The following SEPTIN9 variants were observed in gnomAD, a reference collection of about 807,000 sequenced individuals.
SEPTIN9 encodes the protein septin 9.
A neutral mutation model predicts 56.6 loss-of-function variants in SEPTIN9; 13 were observed. The observed-to-expected ratio is 0.23, with a 90% CI of 0.15 to 0.37. The LOEUF (loss-of-function observed/expected upper bound fraction) is 0.37. Ranked by LOEUF, SEPTIN9 falls within the 10% of genes least tolerant of loss-of-function variation. SEPTIN9 has a pLI of 1.00. For synonymous variants in SEPTIN9, 332 were observed against 334.1 expected (o/e 0.99, Z 0.07); for missense variants, 650 against 823.1 (o/e 0.79, Z 2.57).
rs972103983 is a variant in SEPTIN9 at position 77,389,764 on chromosome 17, T to C, written c.77-12295T>C. Among the ~76,000 whole-genome samples, 1 of 150,528 alleles carries C rather than the reference T, an allele frequency of 6.6e-6. No individual in the cohort carries two copies. The highest frequency in any genetic ancestry group is 1.5e-5 in the Non-Finnish European group (1 of 67,642). On this transcript the variant is annotated intron_variant, in intron 2 of 11. Coordinates refer to ENST00000427177, the MANE Select transcript of SEPTIN9 (RefSeq NM_001113491.2). The surrounding 1 kb of genome is among the most constrained non-coding windows in gnomAD (Gnocchi z 4.3). ...AGCCAGGAAATTCTTCCTCTTTATC[T>C]GCCTCACATCTCTTCCCCTGCGGCT... is the stretch of plus-strand genomic sequence containing the variant.
At position 77,405,985 on chromosome 17, in the gene SEPTIN9, C is replaced by T. The variant is rs906829861; in HGVS notation, c.721+3282C>T. 1.3e-5 allele frequency among the ~76,000 whole-genome samples: 2 copies of T among 152,236 alleles called. No individual in the cohort carries two copies. The highest frequency in any genetic ancestry group is 2.4e-5 in the African/African-American group (1 of 41,470). On this transcript the variant is annotated intron_variant, in intron 3 of 11. Transcript: ENST00000427177. The surrounding 1 kb of genome is among the most constrained non-coding windows in gnomAD (Gnocchi z 5.8). ...GGGAAAGGAATCATGGAGGGAGTTC[C>T]GTGCCCTCTGAGCAGACGCCCAGCC...
At chr17:77,340,386 C>T (rs1300088423) in intron 2 of SEPTIN9, among the ~76,000 whole-genome samples, 1 of 152,170 alleles carries the variant, frequency 6.6e-6, no homozygotes, top group African/African-American at 2.4e-5. Context: ...AGTGATCCCC[C>T]CGCCCCAGCC....
At position 77,313,113 on chromosome 17, in the gene SEPTIN9, G is replaced by A. The variant is rs1391483278; in HGVS notation, c.76+5916G>A. Among the ~76,000 whole-genome samples the A allele has an allele frequency of 1.3e-5, 2 of 152,198 alleles. No individual in the cohort carries two copies. The highest frequency in any genetic ancestry group is 1.5e-5 in the Non-Finnish European group (1 of 68,022). The stretch of plus-strand genomic sequence containing the variant: ...ACACCCGCTCTCGGGGGAGTCTTCC[G>A]TTGGCTGCAGAGAAGCTTAAACTCA... On this transcript the variant is annotated intron_variant, in intron 2 of 11. Transcript: ENST00000427177. The surrounding 1 kb of genome is among the most constrained non-coding windows in gnomAD (Gnocchi z 4.5).
At position 77,318,084 on chromosome 17, in the gene SEPTIN9, A is replaced by G. The variant is rs879656118; in HGVS notation, c.76+10887A>G. On this transcript the variant is annotated intron_variant, in intron 2 of 11. Transcript: ENST00000427177. The surrounding 1 kb of genome is among the most constrained non-coding windows in gnomAD (Gnocchi z 4.9). ...AAAATAAAATAAAATAATAAATATA[A>G]TACACTTGAATCATCTCAAAACCAT... 2.6e-5 allele frequency among the ~76,000 whole-genome samples: 4 copies of G among 152,036 alleles called. No homozygotes were observed. Among genetic ancestry groups the G allele is most frequent in the Non-Finnish European group, 4.4e-5 (3 of 68,000 alleles).
At chr17:77,384,551 C>T (rs1290335434) in intron 2 of SEPTIN9, among the ~76,000 whole-genome samples, 1 of 151,964 alleles carries the variant, frequency 6.6e-6, no homozygotes, top group Non-Finnish European at 1.5e-5. Flanking sequence ...TGTGAGTCTT[C>T]AGGAGGGCAG....
chr17:77,470,617 C>A (rs771122906), intron 3 of SEPTIN9: 1 of 152,204 alleles, frequency 6.6e-6, no homozygotes, highest in African/African-American at 2.4e-5. Context: ...CATCCGCCAA[C>A]CCATCCATTC....
rs1020260501 is a variant in SEPTIN9 at position 77,330,092 on chromosome 17, C to G, written c.76+22895C>G. On this transcript the variant is annotated intron_variant, in intron 2 of 11. Coordinates refer to ENST00000427177, the MANE Select transcript of SEPTIN9 (RefSeq NM_001113491.2). This position sits in a 1 kb window ranked among gnomAD's most constrained non-coding sequence, Gnocchi z 4.4. ...TGGGGGGTGGACACTCCAAGACTAG[C>G]CTCCCAGCCACTCTCCCTGCCTCCT... is the stretch of plus-strand genomic sequence containing the variant. Among the ~76,000 whole-genome samples the G allele has an allele frequency of 2.6e-5, 4 of 152,258 alleles. No individual in the cohort carries two copies. The highest frequency in any genetic ancestry group is 9.6e-5 in the African/African-American group (4 of 41,474).
At chr17:77,406,038 C>T (rs1252188613) in intron 3 of SEPTIN9, among the ~76,000 whole-genome samples, 2 of 152,252 alleles carry the variant, frequency 1.3e-5, no homozygotes, top group African/African-American at 4.8e-5. Flanking sequence ...GGGAGGGCAT[C>T]TGTGCTGTGG....
rs1042089763 is a variant in SEPTIN9, at chr17:77,421,888, G to A, written c.721+19185G>A. On this transcript the variant is annotated intron_variant, in intron 3 of 11. Transcript: ENST00000427177. The surrounding 1 kb of genome is among the most constrained non-coding windows in gnomAD (Gnocchi z 4.6). ...TTTTTTGAGACGGTCTCTCTCTGTC[G>A]CCCAGGCTGGAGTTCAATGGCCCAA... Among the ~76,000 whole-genome samples the A allele has an allele frequency of 1.3e-5, 2 of 152,020 alleles. No individual in the cohort carries two copies. Among genetic ancestry groups the A allele is most frequent in the Admixed American group, 6.5e-5 (1 of 15,274 alleles).
In SEPTIN9 at chr17:77,317,369, G is replaced by A. The variant is rs372747265; in HGVS notation, c.76+10172G>A. ...GGAGGTGAGTGACTGGCAAGCGAGCGAAGCTTCATCTGTATTTACAGTCAC... is the reference window on the plus strand; with the variant it reads ...GGAGGTGAGTGACTGGCAAGCGAGCAAAGCTTCATCTGTATTTACAGTCAC... On this transcript the variant is annotated intron_variant, in intron 2 of 11. Transcript: ENST00000427177. The surrounding 1 kb of genome is among the most constrained non-coding windows in gnomAD (Gnocchi z 4.2). Among the ~76,000 whole-genome samples, 19 of 152,340 alleles carry A rather than the reference G, an allele frequency of 1.2e-4. No homozygotes were observed. The highest frequency in any genetic ancestry group is 3.9e-4 in the East Asian group (2 of 5,186).
rs377206467 is a variant in SEPTIN9, at chr17:77,296,378, C to CAG, written c.20-10749_20-10748dup. On this transcript the variant is annotated intron_variant, in intron 1 of 11. Coordinates refer to ENST00000427177, the MANE Select transcript of SEPTIN9 (RefSeq NM_001113491.2). ...ATGGCTAGATAGACAGACAAGCGGA[C>CAG]AGAGAGAGAGAGAGACAGGCAGACA... 1.2e-4 allele frequency among the ~76,000 whole-genome samples: 18 copies of CAG among 151,074 alleles called. No individual in the cohort carries two copies. In the South Asian group the frequency reaches 1.3e-3, roughly 10 times the overall value.
intron 8 of SEPTIN9, among the ~76,000 whole-genome samples, chr17:77,491,268 A>G (rs1006662011): frequency 2.6e-5 from 4 of 151,830 alleles, no homozygotes; most frequent in Non-Finnish European, 4.4e-5. Flanking sequence ...CAAGGTTGCA[A>G]TGTAGTGGCA....
Position 77,488,618 on chromosome 17 carries a change from A to G in SEPTIN9, c.1125-109A>G, listed in dbSNP as rs378578. On this transcript the variant is annotated intron_variant, in intron 6 of 11. Transcript: ENST00000427177. The stretch of plus-strand genomic sequence containing the variant: ...CTCAGCAAGCCAGACCTCCCAGGGC[A>G]TGCATTTCATTGGAAGGTGGGGTGT... The G allele has an allele frequency of 0.49, 715,386 of 1,453,462 alleles. 182,581 individuals are homozygous for G. The highest frequency in any genetic ancestry group is 0.82 in the African/African-American group (58,259 of 71,408). The allele number at this position is 1,453,462 out of a possible 1,614,324, so 90.0% of individuals were successfully genotyped here. A position where few individuals can be genotyped will look rare whatever the true frequency, so the allele number is the denominator to read the frequency against.
In SEPTIN9 at chr17:77,482,263, A is replaced by G. The variant is rs1265485243; in HGVS notation, c.841A>G (p.Ile281Val). The G allele has an allele frequency of 1.2e-6, 2 of 1,613,186 alleles. No individual in the cohort carries two copies. The highest frequency in any genetic ancestry group is 1.7e-6 in the Non-Finnish European group (2 of 1,179,874). The change falls in exon 4 of 12, where the codon ATT becomes GTT. Residue 281 changes from isoleucine (I) to valine (V), a missense_variant. Transcript: ENST00000427177. ...CCCGGTGGACTTCGGCTACGTGGGG[A>G]TTGACTCCATCCTGGAGCAGATGCG... is the stretch of plus-strand genomic sequence containing the variant. ...KAPVDFGYVG[I>V]DSILEQMRRK...
chr17:77,412,592 G>A (rs2036343042), intron 3 of SEPTIN9, among the ~76,000 whole-genome samples: 1 of 152,108 alleles, frequency 6.6e-6, no homozygotes, highest in Non-Finnish European at 1.5e-5. Context: ...GCTGGGTGAG[G>A]TGGTGCGCCT....
intron 1 of SEPTIN9, chr17:77,287,841 C>T (rs1163203326): frequency 3.0e-6 from 3 of 1,005,348 alleles, no homozygotes; most frequent in African/African-American, 1.7e-5. Context: ...ACCTCCAGGA[C>T]AGGAAACAGG....
chr17:77,307,071 G>T, intron 1 of SEPTIN9, 70 bp from the exon 2 acceptor site: 2 of 1,412,122 alleles, frequency 1.4e-6, no homozygotes, highest in Non-Finnish European at 2.0e-6. Flanking sequence ...CATTCCTGGT[G>T]TTAATCATCC....
chr17:77,331,407 C>T (rs1362109777), intron 2 of SEPTIN9, among the ~76,000 whole-genome samples: 2 of 150,038 alleles, frequency 1.3e-5, no homozygotes, highest in African/African-American at 4.9e-5. Flanking sequence ...CGAGCGGGGG[C>T]GGTGTCCACT....
chr17:77,381,066 T>C (rs1288718612), intron 2 of SEPTIN9, among the ~76,000 whole-genome samples: 1 of 152,234 alleles, frequency 6.6e-6, no homozygotes, highest in African/African-American at 2.4e-5. Context: ...CCTGGCTGTC[T>C]CTACCTGTGG....
Sources: gnomAD v4.1 joint callset for allele counts (sites outside exome capture counted in the v4.1 genomes callset) on GRCh38, gnomAD v4.1.1 for gene constraint, Gnocchi (gnomAD v3.1) non-coding constraint, MANE v1.5 for transcripts, NCBI Gene and HGNC (gene_info 2026-07-23, HGNC 2026-07-21) for gene names.